Variants in PPP6C observed in about 807,000 individuals in gnomAD.
PPP6C encodes serine/threonine-protein phosphatase 6 catalytic subunit.
PPP6C carries 11 observed loss-of-function variants against 39.8 expected under a neutral mutation model. The ratio of observed to expected loss-of-function variants is 0.28; its 90% CI spans 0.17 to 0.46. The LOEUF is 0.46. Among genes scored for constraint, PPP6C ranks in the 20% least tolerant of loss-of-function variants. The pLI, the probability that PPP6C is intolerant of heterozygous loss-of-function variation, is 1.00. For synonymous variants in PPP6C, 129 were observed against 130.3 expected (o/e 0.99, Z 0.07); for missense variants, 211 against 373.9 (o/e 0.56, Z 3.59).
chr9:125,159,558 T>C (rs1488007182), intron 3 of PPP6C, among the ~76,000 whole-genome samples: 1 of 152,150 alleles, frequency 6.6e-6, no homozygotes, highest in Admixed American at 6.6e-5. Context: ...AAGAGTTGCC[T>C]ACTTGAAGAA....
Position 125,146,802 on chromosome 9 carries a change from A to C in PPP6C, c.*2871T>G, listed in dbSNP as rs1237058801. Reference sequence around the variant, plus strand: ...GGATTCTTGATGTCAAATCTCTTCGACTCCAGATACACAATTTCCTGGAAG... The same window carrying C: ...GGATTCTTGATGTCAAATCTCTTCGCCTCCAGATACACAATTTCCTGGAAG... On this transcript the variant is annotated 3_prime_UTR_variant, in exon 7 of 7. Transcript: ENST00000373547. The C allele has an allele frequency of 1.3e-5, 2 of 152,066 alleles. No homozygotes were observed. Among genetic ancestry groups the C allele is most frequent in the Non-Finnish European group, 1.5e-5 (1 of 68,022 alleles). 9.4% of individuals were successfully genotyped at this position (152,066 alleles called of 1,614,324 possible).
At chr9:125,159,798 C>T (rs899945342) in intron 3 of PPP6C, among the ~76,000 whole-genome samples, 7 of 152,076 alleles carry the variant, frequency 4.6e-5, no homozygotes, top group African/African-American at 1.4e-4. Flanking sequence ...CCGAGGTGGG[C>T]GGATCACGAG....
chr9:125,164,072 A>G (rs1462632906), intron 2 of PPP6C, among the ~76,000 whole-genome samples: 1 of 151,920 alleles, frequency 6.6e-6, no homozygotes, highest in Non-Finnish European at 1.5e-5. Context: ...TCCTGACCTC[A>G]GGTGATCCAC....
intron 1 of PPP6C, among the ~76,000 whole-genome samples, chr9:125,172,752 AACACAC>A (rs368777039): frequency 9.2e-6 from 1 of 108,300 alleles, no homozygotes; most frequent in East Asian, 4.2e-4. Context: ...CACACACACA[AACACAC>A]ACACACACAC....
intron 1 of PPP6C, among the ~76,000 whole-genome samples, chr9:125,174,746 C>A (rs542779292): frequency 5.1e-4 from 78 of 151,794 alleles, no homozygotes; most frequent in African/African-American, 1.8e-3. Flanking sequence ...CCTGTCTATA[C>A]TAAAAAATAC....
intron 2 of PPP6C, 88 bp downstream of exon 2, chr9:125,170,997 T>C (rs1239562116): frequency 7.4e-6 from 6 of 811,444 alleles, no homozygotes; most frequent in Non-Finnish European, 1.1e-5. Flanking sequence ...TTGTTGATGT[T>C]GTTGTTGTTT....
chr9:125,165,795 CTTTTT>C (rs781221037), intron 2 of PPP6C, among the ~76,000 whole-genome samples: 3 of 113,598 alleles, frequency 2.6e-5, no homozygotes, highest in South Asian at 2.9e-4. Flanking sequence ...TAATCTTTTG[CTTTTT>C]TTTTTTTTTT....
In PPP6C at chr9:125,170,633, A is replaced by G. The variant is rs370179583; in HGVS notation, c.171+452T>C. 9.2e-5 allele frequency among the ~76,000 whole-genome samples: 14 copies of G among 152,322 alleles called. 1 individual carries two copies. In the South Asian group the frequency reaches 2.9e-3, roughly 32 times the overall value. On this transcript the variant is annotated intron_variant, in intron 2 of 6. Transcript: ENST00000373547. ...TGATTTGCTGTGACATCATGGACCA[A>G]CAATTTTATTTTTCTGTACCTTTGC...
chr9:125,175,404 C>T (rs960354739), intron 1 of PPP6C, among the ~76,000 whole-genome samples: 4 of 151,560 alleles, frequency 2.6e-5, no homozygotes, highest in Admixed American at 6.6e-5. Context: ...TTTGGGAGGC[C>T]GAGGCGGGTG....
At chr9:125,185,149 T>C (rs1829499289) in intron 1 of PPP6C, among the ~76,000 whole-genome samples, 1 of 152,038 alleles carries the variant, frequency 6.6e-6, no homozygotes, top group African/African-American at 2.4e-5. Flanking sequence ...GGAATCTGTA[T>C]CTTTTATTAA....
chr9:125,160,299 C>A (rs1441787998), intron 3 of PPP6C, among the ~76,000 whole-genome samples: 1 of 152,144 alleles, frequency 6.6e-6, no homozygotes, highest in African/African-American at 2.4e-5. Flanking sequence ...TACAACCCAA[C>A]CCTATCTACA....
intron 6 of PPP6C, chr9:125,150,900 C>T: frequency 2.3e-6 from 2 of 887,434 alleles, no homozygotes; most frequent in Non-Finnish European, 3.8e-6. Flanking sequence ...AGCGAGCCAG[C>T]TTACTGCAGT....
chr9:125,154,610 G>A (rs1419420036), intron 4 of PPP6C, among the ~76,000 whole-genome samples: 1 of 152,202 alleles, frequency 6.6e-6, no homozygotes, highest in Non-Finnish European at 1.5e-5. Flanking sequence ...CACACAACCT[G>A]AAGCAAATGT....
chr9:125,170,339 A>C (rs528701911), intron 2 of PPP6C, among the ~76,000 whole-genome samples: 11 of 151,302 alleles, frequency 7.3e-5, no homozygotes, highest in Non-Finnish European at 1.5e-4. Context: ...CGGGTTCAAG[A>C]GATTCTCCTG....
Position 125,189,773 on chromosome 9 carries a change from C to A in PPP6C, c.-55G>T. On this transcript the variant is annotated 5_prime_UTR_variant, in exon 1 of 7. Transcript: ENST00000373547. The stretch of plus-strand genomic sequence containing the variant: ...GCGGCGGCGGCTGTAGCAGCGGCGG[C>A]GGCAGCGGCGGAGGCCGAAGCCGGA... The A allele has an allele frequency of 6.5e-7, 1 of 1,535,868 alleles. No homozygotes were observed. The highest frequency in any genetic ancestry group is 8.8e-7 in the Non-Finnish European group (1 of 1,141,930).
chr9:125,188,680 A>G (rs577325663), intron 1 of PPP6C, among the ~76,000 whole-genome samples: 1 of 151,894 alleles, frequency 6.6e-6, no homozygotes, highest in South Asian at 2.1e-4. Context: ...CCTAGTCGGG[A>G]GGCTGAGGCA....
chr9:125,189,756 G>C lies in PPP6C; in HGVS notation c.-38C>G. The C allele has an allele frequency of 6.5e-7, 1 of 1,545,976 alleles. No individual in the cohort carries two copies. Among genetic ancestry groups the C allele is most frequent in the Non-Finnish European group, 8.7e-7 (1 of 1,146,708 alleles). ...AAGCCGCGGCAACAGCGGCGGCGGC[G>C]GCTGTAGCAGCGGCGGCGGCAGCGG... is the stretch of plus-strand genomic sequence containing the variant. On this transcript the variant is annotated 5_prime_UTR_variant, in exon 1 of 7. Coordinates refer to ENST00000373547, the MANE Select transcript of PPP6C (RefSeq NM_002721.5).
At position 125,175,303 on chromosome 9, in the gene PPP6C, G is replaced by C. The variant is rs116762020; in HGVS notation, c.76-4123C>G. Among the ~76,000 whole-genome samples, 13 of 152,000 alleles carry C rather than the reference G, an allele frequency of 8.6e-5. No individual in the cohort carries two copies. The East Asian group carries it at 1.9e-3, about 23-fold the overall frequency. ...AAACTTTATACTGAAAGATGTTCTC[G>C]AAGGTTCCATCAGAATTATAAAATT... On this transcript the variant is annotated intron_variant, in intron 1 of 6. Transcript: ENST00000373547.
chr9:125,175,594 G>C (rs550134768), intron 1 of PPP6C, among the ~76,000 whole-genome samples: 77 of 143,668 alleles, frequency 5.4e-4, no homozygotes, highest in African/African-American at 1.9e-3. Flanking sequence ...AGTGAGCAGA[G>C]ATCGCACCAC....
Sources: gnomAD v4.1 joint callset for allele counts (sites outside exome capture counted in the v4.1 genomes callset) on GRCh38, gnomAD v4.1.1 for gene constraint, MANE v1.5 for transcripts, NCBI Gene and HGNC (gene_info 2026-07-23, HGNC 2026-07-21) for gene names.